Variants in FAM86B1 observed in about 807,000 individuals in gnomAD.
The protein encoded by FAM86B1 is family with sequence similarity 86 member B1 (gene/pseudogene).
For synonymous variants in FAM86B1, 4 were observed against 137.6 expected, an observed-to-expected ratio of 0.03 and a Z score of 6.79; for missense variants, 13 against 328.1, an observed-to-expected ratio of 0.04 and a Z score of 7.42.
At chr8:12,192,574 C>G (rs1807080676) in intron 1 of FAM86B1, among the ~76,000 whole-genome samples, 2 of 118,298 alleles carry the variant, frequency 1.7e-5, no homozygotes, top group Non-Finnish European at 3.4e-5. Flanking sequence ...GGAAGGCTTC[C>G]CTGATTCCCT....
intron 3 of FAM86B1, among the ~76,000 whole-genome samples, chr8:12,187,124 G>A (rs1206891159): frequency 5.9e-5 from 1 of 16,868 alleles, no homozygotes; most frequent in African/African-American, 1.2e-4. Context: ...GGCCAGGTGT[G>A]GCTATGAAGA....
chr8:12,194,339 G>C (rs1384167493), upstream of FAM86B1: 1 of 585,204 alleles, frequency 1.7e-6, no homozygotes, highest in African/African-American at 2.1e-5. Flanking sequence ...GGCCAGGATA[G>C]GGCGATCCTG....
At chr8:12,189,256 ATATAAAT>A (rs1806388440) in intron 3 of FAM86B1, among the ~76,000 whole-genome samples, 1 of 110,092 alleles carries the variant, frequency 9.1e-6, no homozygotes, top group Admixed American at 1.1e-4. Context: ...CAAAAAAAAT[ATATAAAT>A]AAATAAATAA....
At position 12,185,424 on chromosome 8, in the gene FAM86B1, A is replaced by G; in HGVS notation, c.742T>C (p.Phe248Leu). The change falls in exon 6 of 7, where the codon TTT (phenylalanine) becomes CTT (leucine). Residue 248 changes from phenylalanine to leucine, a missense_variant. Coordinates refer to ENST00000448228, the MANE Select transcript of FAM86B1 (RefSeq NM_001083537.4). ...HKRAPEVYVA[F>L]TVRNPETCQL... Reference sequence around the variant, plus strand: ...CACGTCTCTGGGTTGCGGACGGTAAAGGCCACGTAGACCTCAGGAGCCCGC... The same window carrying G: ...CACGTCTCTGGGTTGCGGACGGTAAGGGCCACGTAGACCTCAGGAGCCCGC... 3 of 1,587,824 alleles carry G rather than the reference A, an allele frequency of 1.9e-6. 1 individual carries two copies. The highest frequency in any genetic ancestry group is 2.6e-6 in the Non-Finnish European group (3 of 1,165,586).
At chr8:12,189,300 AAGT>A (rs1345671016) in intron 3 of FAM86B1, among the ~76,000 whole-genome samples, 4 of 67,670 alleles carry the variant, frequency 5.9e-5, no homozygotes, top group East Asian at 4.2e-4. Context: ...ATAAATAAAT[AAGT>A]AAAAAATAAA....
intron 5 of FAM86B1, 93 bp downstream of exon 5, chr8:12,186,259 C>A: frequency 1.2e-5 from 14 of 1,170,956 alleles, no homozygotes; most frequent in Non-Finnish European, 1.3e-5. Context: ...CATCCATGCC[C>A]GACAGTGTCC....
intron 2 of FAM86B1, among the ~76,000 whole-genome samples, chr8:12,191,137 G>A (rs1806802090): frequency 8.6e-6 from 1 of 116,942 alleles, no homozygotes; most frequent in African/African-American, 3.8e-5. Flanking sequence ...GTGGGTGGGC[G>A]TGGAGGATGT....
intron 1 of FAM86B1, among the ~76,000 whole-genome samples, chr8:12,192,759 A>G (rs1340498405): frequency 2.3e-4 from 34 of 148,142 alleles, no homozygotes; most frequent in Admixed American, 6.0e-4. Flanking sequence ...GGCTCACGGA[A>G]GGCATTTATT....
At chr8:12,192,892 T>C (rs1807152407) in intron 1 of FAM86B1, among the ~76,000 whole-genome samples, 1 of 149,768 alleles carries the variant, frequency 6.7e-6, no homozygotes, top group Non-Finnish European at 1.5e-5. Context: ...GGTATCATTA[T>C]ATCCCCCATT....
chr8:12,190,957 G>C (rs1806747833), intron 2 of FAM86B1, among the ~76,000 whole-genome samples: 1 of 136,760 alleles, frequency 7.3e-6, no homozygotes, highest in African/African-American at 2.9e-5. Flanking sequence ...GGCTCAGGGT[G>C]AAACTCAGAG....
intron 2 of FAM86B1, among the ~76,000 whole-genome samples, chr8:12,190,300 G>A (rs1484464844): frequency 6.7e-6 from 1 of 148,752 alleles, no homozygotes; most frequent in Non-Finnish European, 1.5e-5. Context: ...TGGAGGGGAG[G>A]GGAAGCTCAG....
chr8:12,194,815 G>C (rs1807552500), upstream of FAM86B1: 1 of 151,914 alleles, frequency 6.6e-6, no homozygotes, highest in Non-Finnish European at 1.4e-5. Flanking sequence ...GCGGGGCCGA[G>C]ACGGAGCGAG....
At chr8:12,190,952 A>T (rs1221565935) in intron 2 of FAM86B1, among the ~76,000 whole-genome samples, 1 of 135,666 alleles carries the variant, frequency 7.4e-6, no homozygotes, top group African/African-American at 2.9e-5. Flanking sequence ...AGTGAGGCTC[A>T]GGGTGAAACT....
At chr8:12,187,300 C>A (rs1806052576) in intron 3 of FAM86B1, among the ~76,000 whole-genome samples, 1 of 15,946 alleles carries the variant, frequency 6.3e-5, no homozygotes, top group Non-Finnish European at 1.9e-4. Flanking sequence ...TCAAGCAATT[C>A]TCCTGCCTCA....
intron 3 of FAM86B1, among the ~76,000 whole-genome samples, chr8:12,187,890 CTGT>C (rs778261255): frequency 3.9e-3 from 33 of 8,388 alleles, no homozygotes; most frequent in Non-Finnish European, 5.4e-3. Flanking sequence ...ACGAGACATG[CTGT>C]TGTTGTTGAA....
At chr8:12,193,068 A>G (rs1331052955) in intron 1 of FAM86B1, among the ~76,000 whole-genome samples, 1 of 144,176 alleles carries the variant, frequency 6.9e-6, no homozygotes, top group Admixed American at 6.7e-5. Context: ...GTGAGTGATA[A>G]TAATAGTACC....
intron 2 of FAM86B1, among the ~76,000 whole-genome samples, chr8:12,190,342 G>A (rs1174604187): frequency 1.7e-3 from 245 of 148,320 alleles, no homozygotes; most frequent in African/African-American, 6.0e-3. Context: ...GAGAAGCCAA[G>A]TGCAGGATGA....
chr8:12,190,961 C>T (rs1288971531), intron 2 of FAM86B1, among the ~76,000 whole-genome samples: 40 of 137,838 alleles, frequency 2.9e-4, no homozygotes, highest in Admixed American at 3.0e-4. Flanking sequence ...CAGGGTGAAA[C>T]TCAGAGCAAG....
At chr8:12,189,354 G>A (rs1490548395) in intron 3 of FAM86B1, among the ~76,000 whole-genome samples, 923 of 113,960 alleles carry the variant, frequency 8.1e-3, no homozygotes, top group Middle Eastern at 0.018. Context: ...ATTCCAGCAG[G>A]ATCAATGCAG....
Sources: gnomAD v4.1 joint callset for allele counts (sites outside exome capture counted in the v4.1 genomes callset) on GRCh38, gnomAD v4.1.1 for gene constraint, MANE v1.5 for transcripts, NCBI Gene and HGNC (gene_info 2026-07-23, HGNC 2026-07-21) for gene names.